Variants in GRID2 observed in about 807,000 individuals in gnomAD.
The protein encoded by GRID2 is glutamate receptor ionotropic, delta-2.
A neutral mutation model predicts 114.8 loss-of-function variants in GRID2; 33 were observed. The observed-to-expected ratio is 0.29, with a 90% CI of 0.22 to 0.38. The LOEUF is 0.38. Ranked by LOEUF, GRID2 falls within the 10% of genes least tolerant of loss-of-function variation. The pLI is 1.00. For missense variants in GRID2, 1,184 were observed against 1,257.7 expected (o/e 0.94, Z 0.89); for synonymous variants, 505 against 449.9 (o/e 1.12, Z -1.55).
intron 11 of GRID2, among the ~76,000 whole-genome samples, chr4:93,472,680 G>A (rs1016103044): frequency 1.3e-5 from 2 of 152,082 alleles, no homozygotes; most frequent in African/African-American, 4.8e-5. Context: ...AAAATGTTAG[G>A]GGCCAGATTG....
At chr4:92,754,911 T>C (rs1395576974) in intron 2 of GRID2, among the ~76,000 whole-genome samples, 4 of 152,206 alleles carry the variant, frequency 2.6e-5, no homozygotes, top group African/African-American at 9.6e-5. Flanking sequence ...GTAAACCAAA[T>C]AACAGATTTA....
intron 1 of GRID2, among the ~76,000 whole-genome samples, chr4:92,580,321 C>A (rs1728118629): frequency 7.1e-6 from 1 of 141,430 alleles, no homozygotes; most frequent in South Asian, 2.3e-4. Context: ...AATGTACATT[C>A]ATGTAATAAA....
At chr4:92,816,624 A>C (rs1323339957) in intron 2 of GRID2, among the ~76,000 whole-genome samples, 2 of 152,152 alleles carry the variant, frequency 1.3e-5, no homozygotes, top group Non-Finnish European at 2.9e-5. Context: ...TTTTCTAAGA[A>C]ATGATGCGTA....
chr4:92,603,095 T>TA (rs1448295097), intron 2 of GRID2, among the ~76,000 whole-genome samples: 1 of 151,962 alleles, frequency 6.6e-6, no homozygotes, highest in African/African-American at 2.4e-5. Context: ...TGGATAGGAA[T>TA]AATCAATATT....
At chr4:92,317,875 A>G (rs1357779359) in intron 1 of GRID2, among the ~76,000 whole-genome samples, 6 of 152,172 alleles carry the variant, frequency 3.9e-5, no homozygotes, top group Non-Finnish European at 7.3e-5. Flanking sequence ...GCTGCTGACA[A>G]CCAGGGCCCC....
At chr4:93,607,348 C>A (rs2149653968) in intron 13 of GRID2, among the ~76,000 whole-genome samples, 1 of 152,214 alleles carries the variant, frequency 6.6e-6, no homozygotes, top group South Asian at 2.1e-4. Context: ...TCTGCAAACA[C>A]ATCGTAGAAA....
intron 8 of GRID2, among the ~76,000 whole-genome samples, chr4:93,296,508 G>A (rs1754328839): frequency 6.6e-6 from 1 of 152,158 alleles, no homozygotes; most frequent in African/African-American, 2.4e-5. Flanking sequence ...GTAAAGGTGA[G>A]CAAAGAAAGA....
At chr4:92,360,374 C>A (rs940457252) in intron 1 of GRID2, among the ~76,000 whole-genome samples, 1 of 151,934 alleles carries the variant, frequency 6.6e-6, no homozygotes, top group African/African-American at 2.4e-5. Flanking sequence ...TAGGATTAGC[C>A]TGTGTGCTGC....
chr4:93,482,528 G>T (rs970645603), intron 11 of GRID2, among the ~76,000 whole-genome samples: 3 of 151,774 alleles, frequency 2.0e-5, no homozygotes, highest in Non-Finnish European at 4.4e-5. Flanking sequence ...ACAGCGGGGC[G>T]TGTCGAGGGT....
At chr4:92,330,340 C>A (rs973505038) in intron 1 of GRID2, among the ~76,000 whole-genome samples, 7 of 152,116 alleles carry the variant, frequency 4.6e-5, no homozygotes, top group Non-Finnish European at 5.9e-5. Flanking sequence ...TGGAAGGCTC[C>A]TTGACAGCAG....
At chr4:93,059,988 AT>A (rs906082349) in intron 2 of GRID2, among the ~76,000 whole-genome samples, 4 of 151,730 alleles carry the variant, frequency 2.6e-5, no homozygotes, top group African/African-American at 7.3e-5. Flanking sequence ...CCCACAGACT[AT>A]TTTTTTTAAT....
At chr4:92,759,959 T>C (rs1488759036) in intron 2 of GRID2, among the ~76,000 whole-genome samples, 1 of 151,526 alleles carries the variant, frequency 6.6e-6, no homozygotes, top group East Asian at 2.0e-4. Flanking sequence ...GAATTGGTCA[T>C]ATAAGTTTTG....
chr4:93,420,709 A>ATTTG (rs1347217455), intron 9 of GRID2, among the ~76,000 whole-genome samples: 1 of 146,930 alleles, frequency 6.8e-6, no homozygotes, highest in African/African-American at 2.5e-5. Context: ...ATGGAAATTT[A>ATTTG]TTTGTTTATT....
chr4:93,170,751 T>C (rs1738728838), intron 4 of GRID2, among the ~76,000 whole-genome samples: 1 of 152,154 alleles, frequency 6.6e-6, no homozygotes, highest in Non-Finnish European at 1.5e-5. Flanking sequence ...CAGTCTTACA[T>C]ACCCGACTGC....
chr4:93,132,689 T>C (rs1006841424), intron 4 of GRID2, among the ~76,000 whole-genome samples: 2 of 152,170 alleles, frequency 1.3e-5, no homozygotes, highest in African/African-American at 4.8e-5. Flanking sequence ...GTAATTCTAA[T>C]TGGCAAAGGA....
At chr4:93,612,219 TG>T (rs1038885020) in intron 13 of GRID2, among the ~76,000 whole-genome samples, 3 of 149,372 alleles carry the variant, frequency 2.0e-5, no homozygotes, top group African/African-American at 7.4e-5. Flanking sequence ...GCACGTGAGA[TG>T]GGTTTCCTGA....
intron 2 of GRID2, among the ~76,000 whole-genome samples, chr4:93,038,013 A>T (rs1257609923): frequency 6.6e-6 from 1 of 152,160 alleles, no homozygotes; most frequent in Non-Finnish European, 1.5e-5. Context: ...TGGTAATTTG[A>T]TGGGGATAGC....
At chr4:93,777,770 A>T (rs1734395136), downstream of GRID2, among the ~76,000 whole-genome samples, 1 of 152,254 alleles carries the variant, frequency 6.6e-6, no homozygotes, top group Admixed American at 6.5e-5. Context: ...ATACAGTGTC[A>T]GAACCAGAGA....
intron 1 of GRID2, among the ~76,000 whole-genome samples, chr4:92,309,749 C>T (rs976202011): frequency 2.6e-5 from 4 of 151,870 alleles, no homozygotes; most frequent in African/African-American, 4.8e-5. Context: ...CCTAGTGATA[C>T]AATTTTTTTT....
Sources: allele counts gnomAD v4.1 joint callset (sites outside exome capture counted in the v4.1 genomes callset), GRCh38; gene constraint gnomAD v4.1.1; transcripts MANE v1.5; gene names NCBI Gene and HGNC (gene_info 2026-07-23, HGNC 2026-07-21).